Variants in GOLGA1 observed in about 807,000 individuals in gnomAD.
GOLGA1 encodes the protein golgin A1.
A neutral mutation model predicts 119.7 loss-of-function variants in GOLGA1; 63 were observed. The observed-to-expected ratio is 0.53, with a 90% confidence interval of 0.43 to 0.65. GOLGA1 has a LOEUF of 0.65. GOLGA1 is among the 30% of genes least tolerant of loss of function. The pLI is 0.00. For synonymous variants in GOLGA1, 318 were observed against 333.4 expected (o/e 0.95, Z 0.50); for missense variants, 798 against 912.8 (o/e 0.87, Z 1.62).
At position 124,881,821 on chromosome 9, in the gene GOLGA1, T is replaced by C; in HGVS notation, c.2099A>G (p.His700Arg). Residue 700 changes from histidine to arginine, a missense_variant, in exon 21 of 23, where the codon CAT (histidine) becomes CGT (arginine). His to Arg is a conservative substitution (Grantham distance 29, BLOSUM62 0). Transcript: ENST00000373555. The surrounding 1 kb of genome is among the most constrained non-coding windows in gnomAD (Gnocchi z 4.9). ...AREINFEYLK[H>R]VVLKFMSCRE... ...ACAAGACATGAATTTTAAAACCACATGTTTAAGGTACTCAAAGTTGATCTC... is the reference window on the plus strand; with the variant it reads ...ACAAGACATGAATTTTAAAACCACACGTTTAAGGTACTCAAAGTTGATCTC... 1 of 1,612,128 alleles carries C rather than the reference T, an allele frequency of 6.2e-7. No homozygotes were observed. Among genetic ancestry groups the C allele is most frequent in the Non-Finnish European group, 8.5e-7 (1 of 1,179,260 alleles).
At chr9:124,912,402 C>T (rs1052278121) in intron 10 of GOLGA1, among the ~76,000 whole-genome samples, 2 of 152,086 alleles carry the variant, frequency 1.3e-5, no homozygotes, top group African/African-American at 4.8e-5. Flanking sequence ...AGTAACAGTG[C>T]TGATGTAGTG....
At chr9:124,882,460 C>G in intron 20 of GOLGA1, 50 bp downstream of exon 20, 1 of 1,376,610 alleles carries the variant, frequency 7.3e-7, no homozygotes, top group Non-Finnish European at 1.0e-6. Context: ...CGGGCACAGG[C>G]AGCAGGGGGA....
chr9:124,912,656 C>T (rs1481371881), intron 10 of GOLGA1, among the ~76,000 whole-genome samples: 3 of 152,224 alleles, frequency 2.0e-5, no homozygotes, highest in Non-Finnish European at 4.4e-5. Context: ...CATTCTCCTG[C>T]CTCAGCCTCC....
intron 11 of GOLGA1, among the ~76,000 whole-genome samples, chr9:124,908,971 GC>G (rs1830283908): frequency 1.3e-5 from 2 of 152,278 alleles, no homozygotes; most frequent in Middle Eastern, 3.4e-3. Context: ...TTTGAATGTT[GC>G]AAAAAGGAGT....
chr9:124,933,146 G>A (rs772217780), intron 3 of GOLGA1, among the ~76,000 whole-genome samples: 4 of 152,180 alleles, frequency 2.6e-5, no homozygotes, highest in Non-Finnish European at 5.9e-5. Context: ...AATAACAGCA[G>A]CAGCAGCAAC....
rs945298220 is a variant in GOLGA1, at chr9:124,946,187, T to G, written c.-156+1731A>C. The G allele has an allele frequency of 7.9e-5, 12 of 152,202 alleles. No homozygotes were observed. The highest frequency in any genetic ancestry group is 2.2e-4 in the African/African-American group (9 of 41,462). 9.4% of individuals were successfully genotyped at this position (152,202 alleles called of 1,614,324 possible). On this transcript the variant is annotated intron_variant, in intron 1 of 4. Transcript: ENST00000421514. This position sits in a 1 kb window ranked among gnomAD's most constrained non-coding sequence, Gnocchi z 4.0. ...TACTCTCCAGTGCAAAAACAATGAT[T>G]TGGTTATTCAAACAACAAACCATCA...
chr9:124,921,711 CCAAG>C lies in GOLGA1; in HGVS notation c.731+8_731+11del, dbSNP rs1234349076. On this transcript the variant is annotated splice_region_variant and intron_variant, in intron 9 of 22. Coordinates refer to ENST00000373555, the MANE Select transcript of GOLGA1 (RefSeq NM_002077.4). ...CACCTCTTCCCAAGGGCCCCACAGA[CCAAG>C]CAAGAACCTCTGCTCTTCCAGCGTT... 6.2e-7 allele frequency: 1 copy of C among 1,608,618 alleles called. No homozygotes were observed. Among genetic ancestry groups the C allele is most frequent in the Non-Finnish European group, 8.5e-7 (1 of 1,176,656 alleles).
intron 19 of GOLGA1, among the ~76,000 whole-genome samples, chr9:124,885,066 C>T (rs1588054706): frequency 1.3e-5 from 2 of 152,056 alleles, no homozygotes; most frequent in African/African-American, 2.4e-5. Context: ...CAGTGGCTCA[C>T]GCCTGTAATC....
At chr9:124,926,855 C>A in intron 6 of GOLGA1, 114 bp from the exon 7 acceptor site, 2 of 579,294 alleles carry the variant, frequency 3.5e-6, no homozygotes, top group Non-Finnish European at 6.2e-6. Flanking sequence ...CCAAACAAAA[C>A]AAAAAAGCCA....
At position 124,899,439 on chromosome 9, in the gene GOLGA1, CCTG is replaced by C. The variant is rs1830052133; in HGVS notation, c.1198_1200del (p.Gln400del). The C allele has an allele frequency of 2.6e-6, 4 of 1,547,984 alleles. No individual in the cohort carries two copies. The highest frequency in any genetic ancestry group is 1.7e-6 in the Non-Finnish European group (2 of 1,148,442). On this transcript the variant is annotated inframe_deletion, in exon 14 of 23. Coordinates refer to ENST00000373555, the MANE Select transcript of GOLGA1 (RefSeq NM_002077.4). The stretch of plus-strand genomic sequence containing the variant: ...AAGAACTGCTGCTCCAGAGCAAGGG[CCTG>C]CTGCTGCACATGGCTGCTCTCCTGG...
chr9:124,889,065 T>C, intron 18 of GOLGA1, 78 bp downstream of exon 18: 2 of 1,168,210 alleles, frequency 1.7e-6, no homozygotes, highest in Non-Finnish European at 2.5e-6. Flanking sequence ...GTGTCCCCAC[T>C]GCTGCCTCCT....
upstream of GOLGA1, among the ~76,000 whole-genome samples, chr9:124,941,350 G>A (rs1025558964): frequency 6.6e-6 from 1 of 152,244 alleles, no homozygotes; most frequent in Non-Finnish European, 1.5e-5. Flanking sequence ...CGTGCAGAGC[G>A]TGGTAAGTGG....
chr9:124,884,028 T>C (rs79349550), intron 19 of GOLGA1, among the ~76,000 whole-genome samples: 1 of 152,172 alleles, frequency 6.6e-6, no homozygotes, highest in South Asian at 2.1e-4. Flanking sequence ...TTTTTTTTTT[T>C]TGAGACGGAG....
At chr9:124,937,078 T>G (rs575878924) in intron 3 of GOLGA1, among the ~76,000 whole-genome samples, 2 of 152,212 alleles carry the variant, frequency 1.3e-5, no homozygotes, top group Non-Finnish European at 2.9e-5. Context: ...AGATGAGTGA[T>G]AGATTTACTT....
At chr9:124,941,860 C>A (rs1269961160), upstream of GOLGA1, among the ~76,000 whole-genome samples, 1 of 152,234 alleles carries the variant, frequency 6.6e-6, no homozygotes, top group African/African-American at 2.4e-5. Flanking sequence ...GTGGGAGGAT[C>A]TCTTGAGACC....
At chr9:124,945,212 A>T (rs527290959), upstream of GOLGA1, 1 of 152,318 alleles carries the variant, frequency 6.6e-6, no homozygotes, top group South Asian at 2.1e-4. Flanking sequence ...CTATTGTCCA[A>T]GTATGTTTAA....
chr9:124,938,927 G>C, intron 2 of GOLGA1, 61 bp from the exon 3 acceptor site: 1 of 450,842 alleles, frequency 2.2e-6, no homozygotes, highest in Non-Finnish European at 3.9e-6. Flanking sequence ...TCGCATCTGA[G>C]TTGTTAAGTT....
intron 19 of GOLGA1, among the ~76,000 whole-genome samples, chr9:124,885,259 C>T (rs565648214): frequency 3.9e-4 from 59 of 151,234 alleles, no homozygotes; most frequent in Non-Finnish European, 7.7e-4. Flanking sequence ...ACCCGGGAGG[C>T]GGAGGTTGCA....
At chr9:124,901,055 T>C (rs1371903516) in intron 12 of GOLGA1, among the ~76,000 whole-genome samples, 1 of 149,256 alleles carries the variant, frequency 6.7e-6, no homozygotes, top group Non-Finnish European at 1.5e-5. Flanking sequence ...CACTGCAAGC[T>C]CCGCCTCCTG....
Sources: allele counts gnomAD v4.1 joint callset (sites outside exome capture counted in the v4.1 genomes callset), GRCh38; gene constraint gnomAD v4.1.1; non-coding constraint Gnocchi (gnomAD v3.1); transcripts MANE v1.5; gene names NCBI Gene and HGNC (gene_info 2026-07-23, HGNC 2026-07-21).